Variants in FAM117A observed in about 807,000 individuals in gnomAD.
FAM117A encodes the protein protein FAM117A.
Under a neutral mutation model 44.1 loss-of-function variants are expected in FAM117A, and 21 were observed. The observed-to-expected ratio is 0.48, with a 90% CI of 0.34 to 0.69. The LOEUF is 0.69. Among genes scored for constraint, FAM117A ranks in the 30% least tolerant of loss-of-function variants. The pLI is 0.01. For synonymous variants in FAM117A, 220 were observed against 238.3 expected, an observed-to-expected ratio of 0.92 and a Z score of 0.71; for missense variants, 498 against 589.9, an observed-to-expected ratio of 0.84 and a Z score of 1.61.
At chr17:49,749,920 A>G (rs1310192907) in intron 1 of FAM117A, among the ~76,000 whole-genome samples, 1 of 148,686 alleles carries the variant, frequency 6.7e-6, no homozygotes, top group Non-Finnish European at 1.5e-5. Flanking sequence ...CCAATGTGCT[A>G]TGTGAACTCA....
At chr17:49,743,847 C>T (rs1304510546) in intron 1 of FAM117A, among the ~76,000 whole-genome samples, 1 of 152,016 alleles carries the variant, frequency 6.6e-6, no homozygotes, top group Non-Finnish European at 1.5e-5. Context: ...GAGAGGACTG[C>T]TTGAGCCCGA....
intron 2 of FAM117A, among the ~76,000 whole-genome samples, chr17:49,727,864 C>T (rs968071784): frequency 1.3e-5 from 2 of 152,204 alleles, no homozygotes; most frequent in Non-Finnish European, 2.9e-5. Flanking sequence ...GCCCTGGGAA[C>T]GTAACCCACT....
chr17:49,725,049 C>T (rs1344053639), intron 2 of FAM117A, among the ~76,000 whole-genome samples: 1 of 152,162 alleles, frequency 6.6e-6, no homozygotes, highest in Admixed American at 6.5e-5. Context: ...AATTCACCAT[C>T]TGACCCTTCA....
chr17:49,735,461 A>G (rs1056456562), intron 1 of FAM117A, among the ~76,000 whole-genome samples: 5 of 152,020 alleles, frequency 3.3e-5, no homozygotes, highest in African/African-American at 7.2e-5. Flanking sequence ...ACATTTTGCC[A>G]TAGTTGTAAT....
At chr17:49,741,590 CA>C (rs2073634785) in intron 1 of FAM117A, among the ~76,000 whole-genome samples, 1 of 152,140 alleles carries the variant, frequency 6.6e-6, no homozygotes, top group African/African-American at 2.4e-5. Context: ...TGGTTAGACA[CA>C]GGAGGAACAG....
chr17:49,756,743 CTA>C (rs2073700286), intron 1 of FAM117A, among the ~76,000 whole-genome samples: 1 of 151,918 alleles, frequency 6.6e-6, no homozygotes, highest in Non-Finnish European at 1.5e-5. Flanking sequence ...TGGTAAAACC[CTA>C]TCTCTACTAA....
chr17:49,770,956 C>A (rs1158323386), intron 1 of FAM117A, among the ~76,000 whole-genome samples: 1 of 151,894 alleles, frequency 6.6e-6, no homozygotes, highest in East Asian at 1.9e-4. Flanking sequence ...ACTGTAATCC[C>A]AGCACTTTGG....
At chr17:49,720,121 G>T (rs1384886119) in intron 4 of FAM117A, 7 of 675,450 alleles carry the variant, frequency 1.0e-5, no homozygotes, top group Non-Finnish European at 1.7e-5. Flanking sequence ...CAATTATATG[G>T]GGATGGGGGT....
intron 1 of FAM117A, chr17:49,732,974 T>C (rs1167167223): frequency 6.4e-6 from 3 of 467,486 alleles, no homozygotes; most frequent in Non-Finnish European, 1.2e-5. Context: ...ACTTTATAAA[T>C]GTCCTCTATC....
intron 1 of FAM117A, among the ~76,000 whole-genome samples, chr17:49,742,977 G>A (rs930514162): frequency 2.0e-5 from 3 of 152,174 alleles, no homozygotes; most frequent in African/African-American, 7.2e-5. Context: ...GGAAGAGAGG[G>A]CTGAGCTTCC....
At chr17:49,714,348 T>G (rs1332648707) in intron 7 of FAM117A, among the ~76,000 whole-genome samples, 1 of 151,826 alleles carries the variant, frequency 6.6e-6, no homozygotes, top group Non-Finnish European at 1.5e-5. Context: ...TTTTTTTTTT[T>G]TTTGGAGACA....
At chr17:49,742,789 G>A (rs921392053) in intron 1 of FAM117A, among the ~76,000 whole-genome samples, 9 of 152,182 alleles carry the variant, frequency 5.9e-5, no homozygotes, top group African/African-American at 2.2e-4. Flanking sequence ...CATCAAGTAG[G>A]AAAGAAATCA....
At chr17:49,743,957 C>G (rs533647585) in intron 1 of FAM117A, among the ~76,000 whole-genome samples, 1 of 151,912 alleles carries the variant, frequency 6.6e-6, no homozygotes, top group African/African-American at 2.4e-5. Flanking sequence ...GGGGGCGTCC[C>G]TTTTCCAGTG....
intron 1 of FAM117A, among the ~76,000 whole-genome samples, chr17:49,734,965 T>C (rs1392873452): frequency 6.6e-6 from 1 of 152,016 alleles, no homozygotes; most frequent in African/African-American, 2.4e-5. Context: ...GGCAAATTCA[T>C]AGGGACAAAA....
At chr17:49,754,416 T>C (rs2073689761) in intron 1 of FAM117A, among the ~76,000 whole-genome samples, 2 of 151,994 alleles carry the variant, frequency 1.3e-5, no homozygotes, top group African/African-American at 2.4e-5. Flanking sequence ...ACCATTCTCC[T>C]GCCTCAGCCT....
chr17:49,711,690 C>A, intron 7 of FAM117A, 135 bp from the exon 8 acceptor site: 3 of 759,876 alleles, frequency 3.9e-6, no homozygotes, highest in Non-Finnish European at 4.1e-6. Flanking sequence ...GGAACTTGAC[C>A]GAAAACCAAG....
At chr17:49,774,884 T>G (rs1407730610) in intron 1 of FAM117A, among the ~76,000 whole-genome samples, 1 of 152,150 alleles carries the variant, frequency 6.6e-6, no homozygotes, top group Non-Finnish European at 1.5e-5. Flanking sequence ...CCTCATTAAG[T>G]AAAAGAGTTT....
At chr17:49,743,074 T>G (rs1275942495) in intron 1 of FAM117A, among the ~76,000 whole-genome samples, 1 of 152,190 alleles carries the variant, frequency 6.6e-6, no homozygotes, top group Non-Finnish European at 1.5e-5. Flanking sequence ...GACCTTTTAT[T>G]ACCCAAACAG....
rs1304742091 is a variant in FAM117A at position 49,719,035 on chromosome 17, G to A, written c.708+725C>T. The stretch of plus-strand genomic sequence containing the variant: ...TCCCAGCACTTAGGGAGGCCGAGGC[G>A]GGTGGATCATGAGGTCAGGAGTTCA... On this transcript the variant is annotated intron_variant, in intron 5 of 7. Coordinates refer to ENST00000240364, the MANE Select transcript of FAM117A (RefSeq NM_030802.4). 4.0e-5 allele frequency among the ~76,000 whole-genome samples: 6 copies of A among 151,728 alleles called. No individual in the cohort carries two copies. The South Asian group carries it at 6.2e-4, about 16-fold the overall frequency.
Sources: gnomAD v4.1 joint callset for allele counts (sites outside exome capture counted in the v4.1 genomes callset) on GRCh38, gnomAD v4.1.1 for gene constraint, MANE v1.5 for transcripts, NCBI Gene and HGNC (gene_info 2026-07-23, HGNC 2026-07-21) for gene names.